The following ARHGEF3 variants were observed in gnomAD, a reference collection of about 807,000 sequenced individuals.
The protein encoded by ARHGEF3 is Rho guanine nucleotide exchange factor 3.
ARHGEF3 carries 28 observed loss-of-function variants against 63.2 expected under a neutral mutation model. The observed-to-expected ratio is 0.44, with a 90% confidence interval of 0.33 to 0.61. ARHGEF3 has a LOEUF of 0.61. Ranked by LOEUF, ARHGEF3 falls within the 20% of genes least tolerant of loss-of-function variation. The probability of loss-of-function intolerance (pLI) is 0.03; values close to 1 mark genes in which losing one functional copy is unlikely to be tolerated. For synonymous variants in ARHGEF3, 266 were observed against 254.2 expected (o/e 1.05, Z -0.44); for missense variants, 533 against 659.3 (o/e 0.81, Z 2.10).
chr3:56,891,187 A>C (rs2041106080), intron 3 of ARHGEF3, among the ~76,000 whole-genome samples: 1 of 151,680 alleles, frequency 6.6e-6, no homozygotes, highest in South Asian at 2.1e-4. Context: ...AAAGTAAAAA[A>C]AAAAAAAAAA....
intron 7 of ARHGEF3, among the ~76,000 whole-genome samples, chr3:56,743,675 A>AT (rs774468090): frequency 1.3e-5 from 2 of 152,196 alleles, no homozygotes; most frequent in African/African-American, 4.8e-5. Flanking sequence ...TTAAACCCCT[A>AT]TCTGGGAGGA....
intron 3 of ARHGEF3, among the ~76,000 whole-genome samples, chr3:56,927,426 T>A (rs1578863379): frequency 6.6e-6 from 1 of 152,164 alleles, no homozygotes; most frequent in African/African-American, 2.4e-5. Flanking sequence ...TAAATAGCTG[T>A]TGCTGATACT....
rs1579152668 is a variant in ARHGEF3 at position 57,042,669 on chromosome 3, TATATATATATATATATATATA to T, written c.-27-7514_-27-7494del. ...GTACATAAATATATATATATATATA[TATATATATATATATATATATA>T]TATATATATATTTTTTTTTTTTTTT... is the stretch of plus-strand genomic sequence containing the variant. On this transcript the variant is annotated intron_variant, in intron 1 of 12. Coordinates refer to the ARHGEF3 transcript ENST00000338458. Among the ~76,000 whole-genome samples, 15 of 14,280 alleles carry T rather than the reference TATATATATATATATATATATA, an allele frequency of 1.1e-3. 1 individual carries two copies. Among genetic ancestry groups the T allele is most frequent in the East Asian group, 0.011 (2 of 184 alleles). 9.4% of individuals were successfully genotyped at this position (14,280 alleles called of 152,430 possible).
chr3:57,037,276 T>C (rs1704001097), intron 1 of ARHGEF3, among the ~76,000 whole-genome samples: 1 of 152,130 alleles, frequency 6.6e-6, no homozygotes, highest in Admixed American at 6.5e-5. Flanking sequence ...TGAAGAGGAA[T>C]TGAGTAGCCC....
At chr3:56,999,002 C>T (rs1702091327) in intron 2 of ARHGEF3, among the ~76,000 whole-genome samples, 1 of 152,186 alleles carries the variant, frequency 6.6e-6, no homozygotes, top group African/African-American at 2.4e-5. Context: ...GGGAGCTTGG[C>T]ATTAGTTCAG....
At position 56,951,714 on chromosome 3, in the gene ARHGEF3, T is replaced by C. The variant is rs529728118; in HGVS notation, c.129+7109A>G. On this transcript the variant is annotated intron_variant, in intron 3 of 12. Transcript: ENST00000338458. ...GCTGCCTATTCTGATCCATTAACTGTTTTCCTATTAGATTTTCAAATTTGT... is the reference window on the plus strand; with the variant it reads ...GCTGCCTATTCTGATCCATTAACTGCTTTCCTATTAGATTTTCAAATTTGT... Among the ~76,000 whole-genome samples, 19 of 152,184 alleles carry C rather than the reference T, an allele frequency of 1.2e-4. 1 individual carries two copies. Among genetic ancestry groups the C allele is most frequent in the African/African-American group, 4.6e-4 (19 of 41,428 alleles).
intron 4 of ARHGEF3, among the ~76,000 whole-genome samples, chr3:56,848,229 T>C (rs1441604249): frequency 6.6e-6 from 1 of 152,198 alleles, no homozygotes; most frequent in African/African-American, 2.4e-5. Flanking sequence ...AATGGTAAAC[T>C]ATGATAACTG....
At chr3:56,967,239 CAT>C (rs933732057) in intron 2 of ARHGEF3, among the ~76,000 whole-genome samples, 15 of 123,726 alleles carry the variant, frequency 1.2e-4, no homozygotes, top group African/African-American at 4.1e-4. Context: ...TTCTATTAGT[CAT>C]ATATATATAG....
At chr3:57,009,835 T>TTAA (rs72283293) in intron 2 of ARHGEF3, among the ~76,000 whole-genome samples, 1 of 152,232 alleles carries the variant, frequency 6.6e-6, no homozygotes, top group South Asian at 2.1e-4. Flanking sequence ...TTATGATTAA[T>TTAA]TAATAATAAT....
At chr3:56,742,692 T>C (rs769389542) in intron 7 of ARHGEF3, among the ~76,000 whole-genome samples, 18 of 152,220 alleles carry the variant, frequency 1.2e-4, no homozygotes, top group Non-Finnish European at 2.2e-4. Flanking sequence ...CCTGTGCGTA[T>C]ACTGTGTAAG....
In ARHGEF3 at chr3:57,016,999, CTCTCTG is replaced by C. The variant is rs1300279422; in HGVS notation, c.62+18083_62+18088del. On this transcript the variant is annotated intron_variant, in intron 2 of 12. Coordinates refer to the ARHGEF3 transcript ENST00000338458. ...GGTGGGGGAGAGAGAGGAAAGCTTT[CTCTCTG>C]TCTCTCTCTCTCTCTCTCTCTCTCT... 6.6e-3 allele frequency among the ~76,000 whole-genome samples: 796 copies of C among 121,046 alleles called. 12 individuals carry two copies. The highest frequency in any genetic ancestry group is 0.024 in the African/African-American group (767 of 31,764). 79.4% of individuals were successfully genotyped at this position (121,046 alleles called of 152,430 possible).
upstream of ARHGEF3, among the ~76,000 whole-genome samples, chr3:56,803,836 C>A (rs1237238692): frequency 6.6e-5 from 10 of 151,776 alleles, no homozygotes; most frequent in African/African-American, 2.2e-4. Context: ...ATTCATGGCA[C>A]TTCTTGGGAA....
At chr3:56,846,772 TTG>T (rs1162508235) in intron 4 of ARHGEF3, among the ~76,000 whole-genome samples, 1 of 152,180 alleles carries the variant, frequency 6.6e-6, no homozygotes, top group African/African-American at 2.4e-5. Context: ...TCCCAGGGTC[TTG>T]TGTCCTCTTC....
chr3:56,883,842 TCAG>T (rs961872802), intron 3 of ARHGEF3, among the ~76,000 whole-genome samples: 28 of 152,128 alleles, frequency 1.8e-4, no homozygotes, highest in African/African-American at 6.8e-4. Context: ...CCAAAAGAAG[TCAG>T]CCTCCTCCTC....
intron 3 of ARHGEF3, chr3:56,882,448 T>A (rs1045986948): frequency 8.3e-6 from 8 of 963,900 alleles, no homozygotes; most frequent in African/African-American, 3.3e-5. Flanking sequence ...GCACATGCAA[T>A]CCTTATCATT....
intron 3 of ARHGEF3, among the ~76,000 whole-genome samples, chr3:56,887,861 A>G (rs2040975976): frequency 6.6e-6 from 1 of 152,232 alleles, no homozygotes; most frequent in Non-Finnish European, 1.5e-5. Flanking sequence ...CCCTGTGCTG[A>G]GCAGTAGGTC....
intron 3 of ARHGEF3, among the ~76,000 whole-genome samples, chr3:56,919,840 T>C (rs1252984796): frequency 1.3e-5 from 2 of 152,344 alleles, no homozygotes; most frequent in East Asian, 3.9e-4. Context: ...GGTGTACGCC[T>C]ACCCATGGCA....
At chr3:56,903,069 T>TACACACACACACACAC (rs55802504) in intron 3 of ARHGEF3, among the ~76,000 whole-genome samples, 1 of 148,046 alleles carries the variant, frequency 6.8e-6, no homozygotes, top group South Asian at 2.2e-4. Context: ...TCTCTAAACA[T>TACACACACACACACAC]ACACACACAC....
chr3:56,833,925 C>CA (rs371573429), intron 4 of ARHGEF3, among the ~76,000 whole-genome samples: 18 of 150,568 alleles, frequency 1.2e-4, no homozygotes, highest in East Asian at 4.0e-4. Flanking sequence ...TTTTCCCCCC[C>CA]CAATTTTTAC....
Sources: gnomAD v4.1 joint callset for allele counts (sites outside exome capture counted in the v4.1 genomes callset) on GRCh38, gnomAD v4.1.1 for gene constraint, MANE v1.5 for transcripts, NCBI Gene and HGNC (gene_info 2026-07-23, HGNC 2026-07-21) for gene names.